Variants in SPMIP1 observed in about 807,000 individuals in gnomAD.
SPMIP1 encodes the protein sperm microtubule inner protein 1.
chr7:128,868,963 T>C, the SPMIP1 span: 1 of 546,858 alleles, frequency 1.8e-6, no homozygotes, highest in Non-Finnish European at 3.3e-6. Context: ...ACTTTAATCA[T>C]CCCTTTGAGG....
At chr7:128,866,545 G>A in the SPMIP1 span, 3 of 1,535,808 alleles carry the variant, frequency 2.0e-6, no homozygotes, top group African/African-American at 1.4e-5. Context: ...GGCTAAGGCT[G>A]CAGCCCGCCT....
the SPMIP1 span, chr7:128,866,978 G>T: frequency 2.4e-6 from 2 of 825,638 alleles, no homozygotes; most frequent in East Asian, 2.7e-5. Context: ...AGGGAGTGGC[G>T]GTGGGCAGGG....
chr7:128,866,397 T>G, the SPMIP1 span: 1 of 1,506,246 alleles, frequency 6.6e-7, no homozygotes. Context: ...GTGCCACTCC[T>G]TCCCTGGCCA....
the SPMIP1 span, chr7:128,868,647 C>G: frequency 2.5e-4 from 379 of 1,505,436 alleles, 1 homozygote; most frequent in African/African-American, 4.9e-3. Flanking sequence ...CATGCTTGGC[C>G]TCTGACATCT....
At chr7:128,866,689 A>G in the SPMIP1 span, 96 of 1,532,908 alleles carry the variant, frequency 6.3e-5, no homozygotes, top group Non-Finnish European at 7.8e-5. Context: ...GGTACCACCT[A>G]TCACCCGAGC....
chr7:128,869,200 G>C, the SPMIP1 span: 1 of 280,760 alleles, frequency 3.6e-6, no homozygotes, highest in African/African-American at 2.2e-5. Context: ...GTCCTCTCCC[G>C]ATGCATTTGC....
At chr7:128,868,191 A>G in the SPMIP1 span, among the ~76,000 whole-genome samples, 1 of 152,184 alleles carries the variant, frequency 6.6e-6, no homozygotes, top group Non-Finnish European at 1.5e-5. Context: ...TCAGCCCTGT[A>G]CCCTTCTCCA....
the SPMIP1 span, chr7:128,868,743 G>A: frequency 2.0e-5 from 31 of 1,535,538 alleles, no homozygotes; most frequent in Non-Finnish European, 2.7e-5. Context: ...CGGGGCCTTC[G>A]CACTGCTTGA....
At chr7:128,868,911 A>G in the SPMIP1 span, 3 of 591,564 alleles carry the variant, frequency 5.1e-6, no homozygotes, top group Admixed American at 3.0e-5. Context: ...TGAAACTATC[A>G]GACCTGCAAG....
At chr7:128,868,726 G>A in the SPMIP1 span, 2 of 1,535,820 alleles carry the variant, frequency 1.3e-6, no homozygotes, top group Non-Finnish European at 1.7e-6. Flanking sequence ...TCATTCTTCC[G>A]CAAGAACGGG....
At chr7:128,866,995 C>T in the SPMIP1 span, among the ~76,000 whole-genome samples, 537 of 152,258 alleles carry the variant, frequency 3.5e-3, 1 homozygote, top group Middle Eastern at 0.014. Flanking sequence ...AGGGAGGCAG[C>T]GGCCACGTGC....
At chr7:128,866,612 C>CCCA in the SPMIP1 span, 1 of 1,535,358 alleles carries the variant, frequency 6.5e-7, no homozygotes, top group Admixed American at 2.0e-5. Context: ...CCACCCGCCC[C>CCCA]CAAGTCAGCC....
At chr7:128,866,962 A>AG in the SPMIP1 span, 1 of 890,466 alleles carries the variant, frequency 1.1e-6, no homozygotes, top group South Asian at 1.8e-5. Flanking sequence ...CACGTTCCAC[A>AG]GAACTAGGGA....
chr7:128,869,260 G>C, the SPMIP1 span: 2 of 186,168 alleles, frequency 1.1e-5, no homozygotes, highest in Non-Finnish European at 2.2e-5. Flanking sequence ...TCCTCCTGGC[G>C]GTGCGGAGCG....
the SPMIP1 span, chr7:128,866,783 GA>G: frequency 6.5e-7 from 1 of 1,535,988 alleles, no homozygotes; most frequent in Non-Finnish European, 8.7e-7. Flanking sequence ...CCAGAGACGC[GA>G]TACCTCTTCC....
At chr7:128,866,607 C>G in the SPMIP1 span, 6 of 1,533,314 alleles carry the variant, frequency 3.9e-6, no homozygotes, top group South Asian at 7.1e-5. Flanking sequence ...CACCCCCACC[C>G]GCCCCCAAGT....
chr7:128,866,611 C>T, the SPMIP1 span: 1 of 1,535,332 alleles, frequency 6.5e-7, no homozygotes, highest in Non-Finnish European at 8.7e-7. Flanking sequence ...CCCACCCGCC[C>T]CCAAGTCAGC....
At chr7:128,866,514 G>A in the SPMIP1 span, 149 of 1,535,824 alleles carry the variant, frequency 9.7e-5, 1 homozygote, top group Middle Eastern at 1.7e-4. Context: ...AGTATGGGTC[G>A]ATGGTGAAGG....
the SPMIP1 span, among the ~76,000 whole-genome samples, chr7:128,868,028 G>A: frequency 2.6e-5 from 4 of 152,224 alleles, no homozygotes; most frequent in Non-Finnish European, 5.9e-5. Context: ...GTTGAGTCAA[G>A]GCCATCAGCG....
Sources: allele counts gnomAD v4.1 joint callset (sites outside exome capture counted in the v4.1 genomes callset), GRCh38; gene constraint gnomAD v4.1.1; transcripts MANE v1.5; gene names NCBI Gene and HGNC (gene_info 2026-07-23, HGNC 2026-07-21).